ECM2: variants seen among roughly 807,000 people sequenced by gnomAD.
The protein encoded by ECM2 is extracellular matrix protein 2, female organ and adipocyte specific.
Under a neutral mutation model 67.5 loss-of-function variants are expected in ECM2, and 57 were observed. The observed-to-expected ratio is 0.84, with a 90% confidence interval of 0.68 to 1.05. The LOEUF (loss-of-function observed/expected upper bound fraction) is 1.05, where lower values mean the gene tolerates loss of function less well. ECM2 is among the 50% of genes least tolerant of loss of function. ECM2 has a pLI of 0.00. For synonymous variants in ECM2, 258 were observed against 294.5 expected (o/e 0.88, Z 1.27); for missense variants, 741 against 822.8 (o/e 0.90, Z 1.22).
Position 92,501,063 on chromosome 9 carries a change from A to C in ECM2, c.1605-10T>G. 1 of 1,609,214 alleles carries C rather than the reference A, an allele frequency of 6.2e-7. No individual in the cohort carries two copies. The highest frequency in any genetic ancestry group is 2.2e-5 in the East Asian group (1 of 44,750). ...AATGGATTCTAGATTTCTGCAGCAA[A>C]GAAAAAAGTAAACAGGGTAGGGACA... On this transcript the variant is annotated splice_polypyrimidine_tract_variant and intron_variant, in intron 8 of 9. Transcript: ENST00000344604.
rs1319311716 is a variant in ECM2 at position 92,497,259 on chromosome 9, ATAT to A, written c.1932-779_1932-777del. On this transcript the variant is annotated intron_variant, in intron 9 of 9. Transcript: ENST00000344604. ...GAATAAAATATAGTATATCTGCATA[ATAT>A]TCAGTTGTGAAAAGGAATGAAGAAA... is the stretch of plus-strand genomic sequence containing the variant. Among the ~76,000 whole-genome samples, 5 of 152,196 alleles carry A rather than the reference ATAT, an allele frequency of 3.3e-5. No homozygotes were observed. In the East Asian group the frequency reaches 9.6e-4, roughly 29 times the overall value.
chr9:92,517,952 G>T, intron 2 of ECM2, 77 bp from the exon 3 acceptor site: 1 of 1,532,550 alleles, frequency 6.5e-7, no homozygotes, highest in Non-Finnish European at 8.9e-7. Flanking sequence ...AACACAATGT[G>T]AAGTCAAACT....
At chr9:92,554,893 C>T in the ECM2 span, among the ~76,000 whole-genome samples, 1 of 152,148 alleles carries the variant, frequency 6.6e-6, no homozygotes, top group Non-Finnish European at 1.5e-5. Context: ...GCCTCGGCCT[C>T]CCAAAGTGCT....
At chr9:92,530,385 G>T (rs1180245246) in intron 1 of ECM2, among the ~76,000 whole-genome samples, 2 of 152,030 alleles carry the variant, frequency 1.3e-5, no homozygotes, top group African/African-American at 4.8e-5. Flanking sequence ...CACTCAGTTT[G>T]CTCTGAATCT....
At chr9:92,547,321 A>G in the ECM2 span, among the ~76,000 whole-genome samples, 1 of 152,244 alleles carries the variant, frequency 6.6e-6, no homozygotes, top group Admixed American at 6.5e-5. Flanking sequence ...GAGAACTGAA[A>G]ACACATATGT....
At chr9:92,551,925 GTATA>G in the ECM2 span, among the ~76,000 whole-genome samples, 8,934 of 84,430 alleles carry the variant, frequency 0.11, 897 homozygotes, top group East Asian at 0.25. Flanking sequence ...TGGTGTGTGT[GTATA>G]TATATATATA....
chr9:92,496,558 G>A (rs367914430), intron 9 of ECM2, 75 bp from the exon 10 acceptor site: 4 of 1,536,584 alleles, frequency 2.6e-6, no homozygotes, highest in African/African-American at 2.8e-5. Context: ...TTTAACATTT[G>A]TTAAAAAAAT....
the ECM2 span, among the ~76,000 whole-genome samples, chr9:92,557,816 T>A: frequency 6.6e-6 from 1 of 152,124 alleles, no homozygotes; most frequent in African/African-American, 2.4e-5. Flanking sequence ...CTAATTTTTG[T>A]ATTTTTTTAG....
At chr9:92,517,468 A>C in intron 3 of ECM2, 1 of 632,208 alleles carries the variant, frequency 1.6e-6, no homozygotes, top group African/African-American at 1.8e-5. Flanking sequence ...AAGTTTACTG[A>C]ATCTGATAGA....
chr9:92,493,820 C>T (rs1361338530), downstream of ECM2: 3 of 256,238 alleles, frequency 1.2e-5, no homozygotes, highest in Non-Finnish European at 2.2e-5. Flanking sequence ...AAGAAAAAAG[C>T]TTCAATCAGT....
At chr9:92,505,358 G>C (rs1327084320) in intron 7 of ECM2, among the ~76,000 whole-genome samples, 175 bp downstream of exon 7, 1 of 151,888 alleles carries the variant, frequency 6.6e-6, no homozygotes, top group Non-Finnish European at 1.5e-5. Context: ...TTATAATTTC[G>C]ATTCAGAATT....
At chr9:92,558,536 G>GGCA in the ECM2 span, among the ~76,000 whole-genome samples, 2 of 152,202 alleles carry the variant, frequency 1.3e-5, no homozygotes, top group Non-Finnish European at 2.9e-5. Flanking sequence ...CTATTCTGGT[G>GGCA]GAGGTGGCAG....
At chr9:92,532,013 A>AT (rs1368397928) in intron 1 of ECM2, among the ~76,000 whole-genome samples, 2 of 68,952 alleles carry the variant, frequency 2.9e-5, no homozygotes, top group African/African-American at 1.2e-4. Flanking sequence ...TTTTTATTTA[A>AT]TGTTTTTTTT....
At chr9:92,498,061 C>A (rs920553255) in intron 9 of ECM2, among the ~76,000 whole-genome samples, 1 of 152,100 alleles carries the variant, frequency 6.6e-6, no homozygotes, top group Admixed American at 6.5e-5. Flanking sequence ...GCCAAATAAA[C>A]CTTTTCTCTT....
intron 6 of ECM2, among the ~76,000 whole-genome samples, chr9:92,508,237 C>A (rs1310090766): frequency 1.3e-5 from 2 of 152,238 alleles, no homozygotes; most frequent in Admixed American, 1.3e-4. Flanking sequence ...ACTCAGCCCA[C>A]CCAGGGAGTG....
At chr9:92,552,880 C>G in the ECM2 span, among the ~76,000 whole-genome samples, 4 of 152,128 alleles carry the variant, frequency 2.6e-5, no homozygotes, top group African/African-American at 9.6e-5. Flanking sequence ...ATTGCATTTG[C>G]TTTTGGGTTC....
At chr9:92,551,923 G>GTA in the ECM2 span, among the ~76,000 whole-genome samples, 3 of 59,144 alleles carry the variant, frequency 5.1e-5, no homozygotes, top group Non-Finnish European at 9.6e-5. Flanking sequence ...TATGGTGTGT[G>GTA]TGTATATATA....
chr9:92,533,307 A>AAAC (rs1563991232), intron 1 of ECM2, among the ~76,000 whole-genome samples: 1 of 47,742 alleles, frequency 2.1e-5, no homozygotes, highest in Non-Finnish European at 3.7e-5. Context: ...CTCAAACAAA[A>AAAC]AAAAAAAAAA....
the ECM2 span, among the ~76,000 whole-genome samples, chr9:92,552,200 C>T: frequency 1.4e-4 from 20 of 147,332 alleles, no homozygotes; most frequent in South Asian, 4.1e-3. Flanking sequence ...TACACACACA[C>T]ACACACACAC....
Sources: allele counts gnomAD v4.1 joint callset (sites outside exome capture counted in the v4.1 genomes callset), GRCh38; gene constraint gnomAD v4.1.1; transcripts MANE v1.5; gene names NCBI Gene and HGNC (gene_info 2026-07-23, HGNC 2026-07-21).